TIAM2: variants seen among roughly 807,000 people sequenced by gnomAD.
The protein encoded by TIAM2 is TIAM Rac1 associated GEF 2.
A neutral mutation model predicts 152.9 loss-of-function variants in TIAM2; 80 were observed. The observed-to-expected ratio is 0.52, with a 90% CI of 0.44 to 0.63. The LOEUF (loss-of-function observed/expected upper bound fraction) is 0.63. TIAM2 is among the 30% of genes least tolerant of loss of function. The pLI is 0.00. For missense variants in TIAM2, 1,965 were observed against 2,120.1 expected, an observed-to-expected ratio of 0.93 and a Z score of 1.44; for synonymous variants, 804 against 838.0, an observed-to-expected ratio of 0.96 and a Z score of 0.70.
chr6:155,078,954 C>T (rs551950108), intron 1 of TIAM2, among the ~76,000 whole-genome samples: 2 of 151,960 alleles, frequency 1.3e-5, no homozygotes, highest in South Asian at 4.2e-4. Flanking sequence ...AATCCTGTTT[C>T]AGATACATTT....
In TIAM2 at chr6:155,248,100, A is replaced by T. The variant is rs567622154; in HGVS notation, c.3753A>T (p.Arg1251Ser). The T allele has an allele frequency of 1.9e-6, 3 of 1,614,206 alleles. No homozygotes were observed. The highest frequency in any genetic ancestry group is 1.7e-6 in the Non-Finnish European group (2 of 1,180,038). The change falls in exon 20 of 27, where the codon AGA (arginine) becomes AGT (serine). Residue 1251 changes from arginine to serine, a missense_variant. By Grantham distance (110) the Arg-to-Ser change is moderately radical. This residue lies in a region of TIAM2 where 935 missense variants were observed against 980.0 expected (regional missense o/e 0.95). Coordinates refer to ENST00000682666, the MANE Select transcript of TIAM2 (RefSeq NM_012454.4). Reference sequence around the variant, plus strand: ...CCTACCTCATCAAGCCGGTTCAGAGAGTGCTCAAGTACCCGCTGCTGCTCA... The same window carrying T: ...CCTACCTCATCAAGCCGGTTCAGAGTGTGCTCAAGTACCCGCTGCTGCTCA... ...LESYLIKPVQ[R>S]VLKYPLLLKE...
intron 19 of TIAM2, among the ~76,000 whole-genome samples, chr6:155,246,136 CAAG>C (rs796925000): frequency 1.9e-4 from 29 of 151,788 alleles, no homozygotes; most frequent in African/African-American, 6.5e-4. Context: ...ACGAAACTCA[CAAG>C]AAGTGTGTCA....
chr6:155,075,643 T>G (rs190496713), intron 1 of TIAM2, among the ~76,000 whole-genome samples: 169 of 152,356 alleles, frequency 1.1e-3, no homozygotes, highest in Non-Finnish European at 2.2e-3. Flanking sequence ...TGCATATACA[T>G]AATGAGATAG....
intron 20 of TIAM2, among the ~76,000 whole-genome samples, chr6:155,248,937 C>CT (rs1251208838): frequency 6.6e-6 from 1 of 152,086 alleles, no homozygotes; most frequent in Non-Finnish European, 1.5e-5. Flanking sequence ...ATTAAACTGG[C>CT]TTTTTTTCCA....
chr6:155,157,759 C>T (rs1338129437), intron 7 of TIAM2, among the ~76,000 whole-genome samples: 2 of 152,132 alleles, frequency 1.3e-5, no homozygotes, highest in East Asian at 3.9e-4. Context: ...GCTACTGCTC[C>T]GTAAGACTTG....
At chr6:155,241,034 C>T (rs912799655) in intron 16 of TIAM2, among the ~76,000 whole-genome samples, 1 of 152,188 alleles carries the variant, frequency 6.6e-6, no homozygotes, top group East Asian at 1.9e-4. Context: ...AGAGAGATCA[C>T]TTTAGGTGAT....
chr6:155,003,216 G>C (rs745458155), intron 1 of TIAM2, among the ~76,000 whole-genome samples: 1 of 151,984 alleles, frequency 6.6e-6, no homozygotes, highest in Non-Finnish European at 1.5e-5. Context: ...AGGTTGATCC[G>C]TTTTTTTCCG....
intron 19 of TIAM2, among the ~76,000 whole-genome samples, chr6:155,246,750 TTCC>T (rs1394440190): frequency 1.3e-5 from 2 of 152,208 alleles, no homozygotes; most frequent in East Asian, 3.8e-4. Flanking sequence ...GCTTGCTCCA[TTCC>T]TCCTTTGTCA....
chr6:155,094,007 G>T (rs1434057467), intron 2 of TIAM2, among the ~76,000 whole-genome samples: 2 of 152,168 alleles, frequency 1.3e-5, no homozygotes, highest in Non-Finnish European at 2.9e-5. Flanking sequence ...GCTGGTTCTG[G>T]GCTGTGGATA....
chr6:155,057,292 G>A (rs1777475411), intron 1 of TIAM2, among the ~76,000 whole-genome samples: 2 of 151,216 alleles, frequency 1.3e-5, no homozygotes, highest in Admixed American at 6.6e-5. Flanking sequence ...GCCCGCCTCA[G>A]CCTCCCAAAG....
chr6:155,244,515 T>C (rs1783211731), intron 17 of TIAM2, 143 bp from the exon 18 acceptor site: 7 of 963,956 alleles, frequency 7.3e-6, no homozygotes, highest in Admixed American at 4.8e-5. Flanking sequence ...CCATAATGAA[T>C]GTGCTGTCTT....
chr6:155,010,845 C>T (rs1334052975), intron 1 of TIAM2, among the ~76,000 whole-genome samples: 1 of 152,122 alleles, frequency 6.6e-6, no homozygotes, highest in Non-Finnish European at 1.5e-5. Context: ...CTCGGCCTCC[C>T]AAAGTGCTGG....
At chr6:155,055,323 A>C (rs1481439880) in intron 1 of TIAM2, among the ~76,000 whole-genome samples, 1 of 152,234 alleles carries the variant, frequency 6.6e-6, no homozygotes, top group Non-Finnish European at 1.5e-5. Flanking sequence ...GTTGCTGTAC[A>C]AAAGTTCTCC....
chr6:155,104,852 T>C (rs1174644825), intron 2 of TIAM2, among the ~76,000 whole-genome samples: 1 of 152,150 alleles, frequency 6.6e-6, no homozygotes, highest in Non-Finnish European at 1.5e-5. Flanking sequence ...GATGGATGTA[T>C]GTGTATGTAA....
chr6:155,182,679 G>A (rs554212983), intron 13 of TIAM2, among the ~76,000 whole-genome samples: 2 of 152,046 alleles, frequency 1.3e-5, no homozygotes, highest in Non-Finnish European at 2.9e-5. Flanking sequence ...GTGTTTAAAA[G>A]AGTAAGTGTA....
intron 15 of TIAM2, among the ~76,000 whole-genome samples, chr6:155,236,093 G>A (rs1782741799): frequency 1.3e-5 from 2 of 152,180 alleles, no homozygotes; most frequent in African/African-American, 4.8e-5. Flanking sequence ...TTTCAAATCA[G>A]TGAGTCTTGG....
Position 155,027,427 on chromosome 6 carries a change from T to C in TIAM2, c.-209+31935T>C, listed in dbSNP as rs1776631274. On this transcript the variant is annotated intron_variant, in intron 1 of 26. Transcript: ENST00000682666. ...TATAATATATATACTGTGTTACATA[T>C]ATACTATATATAATATATATACTGT... 3.0e-5 allele frequency among the ~76,000 whole-genome samples: 3 copies of C among 100,782 alleles called. No homozygotes were observed. In the Admixed American group the frequency reaches 3.9e-4, roughly 13 times the overall value. The allele number at this position is 100,782 out of a possible 152,430, so 66.1% of individuals were successfully genotyped here.
chr6:155,241,949 G>A (rs1410301987), intron 16 of TIAM2, among the ~76,000 whole-genome samples: 1 of 152,204 alleles, frequency 6.6e-6, no homozygotes, highest in Non-Finnish European at 1.5e-5. Flanking sequence ...GCAGAGTTGA[G>A]AGGAGAATCG....
chr6:155,207,735 G>A (rs904818798), intron 14 of TIAM2, among the ~76,000 whole-genome samples: 2 of 152,184 alleles, frequency 1.3e-5, no homozygotes, highest in Admixed American at 6.5e-5. Context: ...GAGTGAGCAG[G>A]GTTCTGACAG....
Sources: gnomAD v4.1 joint callset for allele counts (sites outside exome capture counted in the v4.1 genomes callset) on GRCh38, gnomAD v4.1.1 for gene constraint, gnomAD v4.1.1 regional missense constraint, MANE v1.5 for transcripts, NCBI Gene and HGNC (gene_info 2026-07-23, HGNC 2026-07-21) for gene names.